NAV2: variants seen among roughly 807,000 people sequenced by gnomAD.
NAV2 encodes helicase, APC down-regulated 1.
Under a neutral mutation model 223.2 loss-of-function variants are expected in NAV2, and 54 were observed. The ratio of observed to expected loss-of-function variants is 0.24; its 90% confidence interval spans 0.19 to 0.30. The LOEUF is 0.30. NAV2 is among the 10% of genes least tolerant of loss of function. The pLI is 1.00. For synonymous variants in NAV2, 1,279 were observed against 1,239.3 expected (o/e 1.03, Z -0.67); for missense variants, 2,806 against 3,147.5 (o/e 0.89, Z 2.60).
At chr11:20,023,048 C>T (rs924686706) in intron 11 of NAV2, 4 of 1,550,094 alleles carry the variant, frequency 2.6e-6, no homozygotes, top group Middle Eastern at 1.7e-4. Context: ...GACTTGCCAT[C>T]CTGTGAGATT....
chr11:19,585,069 TG>T (rs1236570705), intron 1 of NAV2, among the ~76,000 whole-genome samples: 1 of 152,192 alleles, frequency 6.6e-6, no homozygotes, highest in Non-Finnish European at 1.5e-5. Context: ...GCTCCTATAT[TG>T]GGTGCGTATA....
At chr11:19,910,262 A>G (rs1450915758) in intron 6 of NAV2, among the ~76,000 whole-genome samples, 2 of 152,226 alleles carry the variant, frequency 1.3e-5, no homozygotes, top group Non-Finnish European at 2.9e-5. Context: ...CTATCATACA[A>G]GCTAGTTTTT....
chr11:19,497,982 C>T (rs930399558), intron 1 of NAV2, among the ~76,000 whole-genome samples: 3 of 152,172 alleles, frequency 2.0e-5, no homozygotes, highest in Admixed American at 6.5e-5. Context: ...ATTCTGAGGT[C>T]GTTTTGTCAT....
At chr11:19,535,762 T>C (rs143748215) in intron 1 of NAV2, among the ~76,000 whole-genome samples, 28 of 152,306 alleles carry the variant, frequency 1.8e-4, no homozygotes, top group African/African-American at 5.3e-4. Context: ...GGTTTGAGAA[T>C]TAAAGTTCTC....
At chr11:19,902,193 A>G (rs2042499366) in intron 6 of NAV2, among the ~76,000 whole-genome samples, 1 of 152,224 alleles carries the variant, frequency 6.6e-6, no homozygotes, top group South Asian at 2.1e-4. Flanking sequence ...CAAGCATTAC[A>G]GTCAAACATC....
chr11:19,707,733 T>TGA (rs1364211871), intron 1 of NAV2, among the ~76,000 whole-genome samples: 3 of 152,228 alleles, frequency 2.0e-5, no homozygotes, highest in East Asian at 3.8e-4. Flanking sequence ...ATATAAAGTA[T>TGA]TAGGCACTGT....
intron 1 of NAV2, among the ~76,000 whole-genome samples, chr11:19,392,157 A>G (rs1849273927): frequency 6.6e-6 from 1 of 152,182 alleles, no homozygotes; most frequent in African/African-American, 2.4e-5. Context: ...GGGTATGGGC[A>G]TACACTTTGC....
intron 1 of NAV2, among the ~76,000 whole-genome samples, chr11:19,766,132 T>C (rs1166835032): frequency 2.0e-5 from 3 of 151,904 alleles, no homozygotes; most frequent in East Asian, 3.9e-4. Flanking sequence ...ATATAATATA[T>C]AATTAATACA....
At chr11:20,023,559 C>G (rs901695605) in intron 11 of NAV2, among the ~76,000 whole-genome samples, 1 of 152,018 alleles carries the variant, frequency 6.6e-6, no homozygotes, top group Non-Finnish European at 1.5e-5. Context: ...AGGGGTGAGC[C>G]GGAAAAAGGC....
chr11:19,521,682 T>C (rs2043661666), intron 1 of NAV2, among the ~76,000 whole-genome samples: 2 of 152,182 alleles, frequency 1.3e-5, no homozygotes, highest in South Asian at 2.1e-4. Context: ...TCCAAGGGCT[T>C]CAGTCTTTTG....
intron 1 of NAV2, among the ~76,000 whole-genome samples, chr11:19,501,610 T>C (rs1208700425): frequency 6.6e-6 from 1 of 152,078 alleles, no homozygotes; most frequent in Non-Finnish European, 1.5e-5. Context: ...AAATCACTTA[T>C]TGCTAGCTAC....
At chr11:19,847,200 T>C (rs2060857218) in intron 3 of NAV2, among the ~76,000 whole-genome samples, 1 of 152,226 alleles carries the variant, frequency 6.6e-6, no homozygotes, top group East Asian at 1.9e-4. Flanking sequence ...TTGAACTCAC[T>C]GTACTCAGGA....
At chr11:19,821,691 A>G (rs528595248) in intron 1 of NAV2, among the ~76,000 whole-genome samples, 12 of 152,312 alleles carry the variant, frequency 7.9e-5, no homozygotes, top group Non-Finnish European at 1.8e-4. Flanking sequence ...TTGTGAAACT[A>G]TGTTTGCTTT....
rs549086232 is a variant in NAV2 at position 19,579,909 on chromosome 11, A to G, written c.75+228882A>G. ...TTAAGTGGAAAGTACTATAAAACCC[A>G]GAGGCCCAGCACGTTAAACCAGCCC... On this transcript the variant is annotated intron_variant, in intron 1 of 37. Transcript: ENST00000360655. Among the ~76,000 whole-genome samples the G allele has an allele frequency of 3.3e-4, 50 of 152,326 alleles. 2 individuals carry two copies. The highest frequency in any genetic ancestry group is 1.2e-3 in the African/African-American group (49 of 41,568).
chr11:20,001,610 G>T (rs114660220), intron 11 of NAV2, among the ~76,000 whole-genome samples: 2,252 of 150,572 alleles, frequency 0.015, 67 homozygotes, highest in African/African-American at 0.052. Context: ...GTAAACATCA[G>T]GGCAAGCCAC....
Position 19,961,690 on chromosome 11 carries a change from C to T in NAV2, c.2645+12610C>T, listed in dbSNP as rs556944408. On this transcript the variant is annotated intron_variant, in intron 10 of 37. Coordinates refer to ENST00000349880, the MANE Select transcript of NAV2 (RefSeq NM_145117.5). ...GAGCCTCCCATGTGTTAAACTGTGG[C>T]GCACCTCTCAGGTGTGTGAGGAGGA... Among the ~76,000 whole-genome samples, 189 of 152,250 alleles carry T rather than the reference C, an allele frequency of 1.2e-3. 1 individual carries two copies. Among genetic ancestry groups the T allele is most frequent in the Admixed American group, 2.8e-3 (43 of 15,298 alleles).
At chr11:20,102,434 G>A (rs763078338) in intron 32 of NAV2, among the ~76,000 whole-genome samples, 6 of 152,026 alleles carry the variant, frequency 3.9e-5, no homozygotes, top group Non-Finnish European at 4.4e-5. Flanking sequence ...CTGCTTACCC[G>A]CTGTGCACTC....
chr11:19,473,377 TC>T (rs1345224720), intron 1 of NAV2, among the ~76,000 whole-genome samples: 2 of 152,120 alleles, frequency 1.3e-5, no homozygotes, highest in African/African-American at 4.8e-5. Flanking sequence ...CTTGGTAGTA[TC>T]ATAATTATTA....
At chr11:20,021,509 C>T (rs756131275) in intron 11 of NAV2, among the ~76,000 whole-genome samples, 27 of 152,122 alleles carry the variant, frequency 1.8e-4, no homozygotes, top group Non-Finnish European at 1.5e-5. Flanking sequence ...CAAGTTAACT[C>T]GGATGTTGGA....
Sources: gnomAD v4.1 joint callset for allele counts (sites outside exome capture counted in the v4.1 genomes callset) on GRCh38, gnomAD v4.1.1 for gene constraint, MANE v1.5 for transcripts, NCBI Gene and HGNC (gene_info 2026-07-23, HGNC 2026-07-21) for gene names.